Variants in PRKCB observed in about 807,000 individuals in gnomAD.
PRKCB encodes protein kinase C beta type.
Under a neutral mutation model 81.5 loss-of-function variants are expected in PRKCB, and 13 were observed. The observed-to-expected ratio is 0.16, with a 90% CI of 0.10 to 0.25. The LOEUF is 0.25. Ranked by LOEUF, PRKCB falls within the 10% of genes least tolerant of loss-of-function variation. The pLI is 1.00. For synonymous variants in PRKCB, 335 were observed against 321.4 expected (o/e 1.04, Z -0.45); for missense variants, 509 against 875.7 (o/e 0.58, Z 5.29).
At chr16:23,887,318 CAGTAGGT>C (rs1371970736) in intron 2 of PRKCB, among the ~76,000 whole-genome samples, 2 of 152,140 alleles carry the variant, frequency 1.3e-5, no homozygotes, top group African/African-American at 4.8e-5. Context: ...GCATAGTACC[CAGTAGGT>C]AGTTTTTAAA....
At chr16:23,934,021 T>TCATCCATCCATC (rs67394616) in intron 2 of PRKCB, among the ~76,000 whole-genome samples, 10,199 of 142,364 alleles carry the variant, frequency 0.072, 795 homozygotes, top group African/African-American at 0.19. Flanking sequence ...TTCTACCCAC[T>TCATCCATCCATC]CATCCATCCA....
At position 23,842,428 on chromosome 16, in the gene PRKCB, T is replaced by C. The variant is rs1412195183; in HGVS notation, c.205+5022T>C. Reference sequence around the variant, plus strand: ...TGTCAAAGTGGGACGGAGTTCATTCTGGAACTTGTTAAATGACTAGGCCTC... The same window carrying C: ...TGTCAAAGTGGGACGGAGTTCATTCCGGAACTTGTTAAATGACTAGGCCTC... On this transcript the variant is annotated intron_variant, in intron 2 of 16. Transcript: ENST00000643927. 3.3e-5 allele frequency among the ~76,000 whole-genome samples: 5 copies of C among 152,356 alleles called. No individual in the cohort carries two copies. In the East Asian group the frequency reaches 9.6e-4, roughly 29 times the overall value.
chr16:24,145,924 T>C (rs1198826097), intron 9 of PRKCB, among the ~76,000 whole-genome samples: 5 of 152,260 alleles, frequency 3.3e-5, no homozygotes, highest in Non-Finnish European at 7.3e-5. Context: ...TTGCCTCACT[T>C]GGACATAGGG....
chr16:23,875,191 C>T (rs1308732058), intron 2 of PRKCB, among the ~76,000 whole-genome samples: 1 of 151,990 alleles, frequency 6.6e-6, no homozygotes, highest in Non-Finnish European at 1.5e-5. Context: ...GCACGTGCCA[C>T]CACACCTGGC....
At chr16:24,096,124 T>C (rs886147778) in intron 7 of PRKCB, among the ~76,000 whole-genome samples, 2 of 152,068 alleles carry the variant, frequency 1.3e-5, no homozygotes, top group African/African-American at 4.8e-5. Context: ...GGTGAAACCC[T>C]GTCTGTACTA....
intron 2 of PRKCB, among the ~76,000 whole-genome samples, chr16:23,848,759 C>T (rs1380117971): frequency 6.6e-6 from 1 of 152,184 alleles, no homozygotes; most frequent in Non-Finnish European, 1.5e-5. Flanking sequence ...CCTCTTCGAG[C>T]TTCTGTTTTT....
chr16:23,955,780 G>A (rs866460537), intron 2 of PRKCB, among the ~76,000 whole-genome samples: 3 of 152,122 alleles, frequency 2.0e-5, no homozygotes, highest in African/African-American at 4.8e-5. Context: ...AGGGGCTTCC[G>A]ACAGAAGTGT....
At chr16:23,903,119 C>A (rs1005878) in intron 2 of PRKCB, among the ~76,000 whole-genome samples, 57,761 of 150,942 alleles carry the variant, frequency 0.38, 11,537 homozygotes, top group South Asian at 0.54. Flanking sequence ...GTGTGAGCTG[C>A]CACGCCCAGC....
At chr16:24,127,297 C>T (rs1308709651) in intron 9 of PRKCB, among the ~76,000 whole-genome samples, 4 of 152,056 alleles carry the variant, frequency 2.6e-5, no homozygotes, top group Admixed American at 6.6e-5. Context: ...TGAGCCACCA[C>T]GCCCGGCCAT....
At chr16:23,876,084 T>C (rs575451456) in intron 2 of PRKCB, among the ~76,000 whole-genome samples, 19 of 152,328 alleles carry the variant, frequency 1.2e-4, no homozygotes, top group African/African-American at 4.6e-4. Context: ...CATATATTCA[T>C]TGATTGATCA....
chr16:24,051,061 C>T (rs772517731), intron 5 of PRKCB, among the ~76,000 whole-genome samples: 13 of 152,118 alleles, frequency 8.5e-5, no homozygotes, highest in South Asian at 2.1e-4. Flanking sequence ...GAGTGTCTTC[C>T]GGACATCACC....
At chr16:23,974,686 G>T (rs1407122091) in intron 2 of PRKCB, among the ~76,000 whole-genome samples, 1 of 152,138 alleles carries the variant, frequency 6.6e-6, no homozygotes, top group African/African-American at 2.4e-5. Flanking sequence ...GTCTGGATTG[G>T]TTCAGGTTCT....
At chr16:23,868,447 C>T (rs1012450513) in intron 2 of PRKCB, among the ~76,000 whole-genome samples, 1 of 152,160 alleles carries the variant, frequency 6.6e-6, no homozygotes, top group African/African-American at 2.4e-5. Context: ...TTATTTGGGG[C>T]AGGCAGATGA....
chr16:23,991,802 G>A (rs756504856), intron 3 of PRKCB, among the ~76,000 whole-genome samples: 5 of 152,188 alleles, frequency 3.3e-5, no homozygotes, highest in Non-Finnish European at 7.3e-5. Context: ...TCTTATCAGT[G>A]CTGCAGTGCA....
chr16:24,029,939 C>A (rs1004389796), intron 3 of PRKCB, among the ~76,000 whole-genome samples: 2 of 152,162 alleles, frequency 1.3e-5, no homozygotes, highest in Non-Finnish European at 2.9e-5. Context: ...TGCTCTCTTG[C>A]CCAGGCTGGA....
intron 5 of PRKCB, among the ~76,000 whole-genome samples, chr16:24,091,003 G>C (rs1296993859): frequency 2.0e-5 from 3 of 152,180 alleles, no homozygotes; most frequent in Non-Finnish European, 4.4e-5. Context: ...TCTGGGTGCA[G>C]GTTATGGGTG....
chr16:24,197,027 G>A (rs920545466), intron 16 of PRKCB, among the ~76,000 whole-genome samples: 1 of 151,520 alleles, frequency 6.6e-6, no homozygotes, highest in Non-Finnish European at 1.5e-5. Flanking sequence ...AGCGTGTGCT[G>A]GTTCTGTCCT....
chr16:23,861,200 G>C (rs901167560), intron 2 of PRKCB, among the ~76,000 whole-genome samples: 3 of 149,814 alleles, frequency 2.0e-5, no homozygotes, highest in Non-Finnish European at 4.4e-5. Flanking sequence ...ACAAGGTCTT[G>C]CTCTGTCACC....
chr16:23,934,318 GTTTT>G (rs3073130), intron 2 of PRKCB, among the ~76,000 whole-genome samples: 25,265 of 135,082 alleles, frequency 0.19, 2,306 homozygotes, highest in East Asian at 0.36. Context: ...GAAAAAAGCT[GTTTT>G]TTTTTTTTTT....
Sources: allele counts gnomAD v4.1 joint callset (sites outside exome capture counted in the v4.1 genomes callset), GRCh38; gene constraint gnomAD v4.1.1; transcripts MANE v1.5; gene names NCBI Gene and HGNC (gene_info 2026-07-23, HGNC 2026-07-21).